The following SPOP variants were observed in gnomAD, a reference collection of about 807,000 sequenced individuals.
SPOP encodes the protein speckle-type POZ protein.
In SPOP, 11 loss-of-function variants were observed where a neutral mutation model predicts 45.6. The ratio of observed to expected loss-of-function variants is 0.24; its 90% CI spans 0.15 to 0.40. SPOP has a LOEUF of 0.40. Among genes scored for constraint, SPOP ranks in the 10% least tolerant of loss-of-function variants. SPOP has a pLI of 1.00. For missense variants in SPOP, 152 were observed against 465.6 expected (o/e 0.33, Z 6.20); for synonymous variants, 166 against 166.3 (o/e 1.00, Z 0.01).
intron 1 of SPOP, among the ~76,000 whole-genome samples, chr17:49,677,651 T>C (rs2073219434): frequency 6.7e-6 from 1 of 148,570 alleles, no homozygotes; most frequent in Non-Finnish European, 1.5e-5. Context: ...AGGCGACAGC[T>C]CAGTATTTGG....
chr17:49,623,770 GCT>G (rs1191302523), intron 1 of SPOP, among the ~76,000 whole-genome samples: 4 of 151,666 alleles, frequency 2.6e-5, no homozygotes, highest in African/African-American at 4.8e-5. Flanking sequence ...TCTTCTCCTT[GCT>G]CTGTTTTGTG....
chr17:49,677,875 G>GCCCCCCC (rs753109561), intron 1 of SPOP, 58 bp downstream of exon 1: 1 of 337,858 alleles, frequency 3.0e-6, no homozygotes. Flanking sequence ...TCAGGGAGGT[G>GCCCCCCC]CCCCCCCCCC....
rs1427481182 is a variant in SPOP at position 49,607,049 on chromosome 17, AC to A, written c.837+200del. 5.7e-6 allele frequency: 3 copies of A among 526,548 alleles called. No individual in the cohort carries two copies. In the Admixed American group the frequency reaches 1.1e-4, roughly 19 times the overall value. 32.6% of individuals were successfully genotyped at this position (526,548 alleles called of 1,614,324 possible). On this transcript the variant is annotated intron_variant, in intron 8 of 9. Coordinates refer to ENST00000504102, the MANE Select transcript of SPOP (RefSeq NM_001007228.2). Reference sequence around the variant, plus strand: ...CCATAGTTAGGTGATCATATAGTTTACTATTCAAAACAGGACACTTTTGAGA... The same window carrying A: ...CCATAGTTAGGTGATCATATAGTTTATATTCAAAACAGGACACTTTTGAGA...
chr17:49,669,521 C>T (rs1309112500), intron 1 of SPOP, among the ~76,000 whole-genome samples: 1 of 142,316 alleles, frequency 7.0e-6, no homozygotes, highest in African/African-American at 2.6e-5. Context: ...AATCCCAGGA[C>T]TTTGGGAGGC....
At position 49,611,299 on chromosome 17, in the gene SPOP, A is replaced by G. The variant is rs1438582241; in HGVS notation, c.639T>C (p.Ala213=). The change falls in exon 6 of 10, where the codon GCT becomes GCC. Residue 213 remains alanine (A), a synonymous_variant. Coordinates refer to ENST00000504102, the MANE Select transcript of SPOP (RefSeq NM_001007228.2). ...CLCVAGQEFQ[A]HKAILAARSP... ...ACCAACCTGCTAAGATAGCCTTGTG[A>G]GCCTGGAATTCCTGGCCGGCAACAC... 2 of 1,614,118 alleles carry G rather than the reference A, an allele frequency of 1.2e-6. No individual in the cohort carries two copies. Among genetic ancestry groups the G allele is most frequent in the Admixed American group, 3.3e-5 (2 of 60,012 alleles).
At chr17:49,624,331 G>GCGCGCACACACACACA (rs71352523) in intron 1 of SPOP, among the ~76,000 whole-genome samples, 1 of 149,224 alleles carries the variant, frequency 6.7e-6, no homozygotes, top group African/African-American at 2.5e-5. Flanking sequence ...GCGCGCGCGC[G>GCGCGCACACACACACA]CACACACACA....
chr17:49,618,370 T>C (rs1448751550), intron 5 of SPOP: 1 of 342,490 alleles, frequency 2.9e-6, no homozygotes, highest in Non-Finnish European at 5.7e-6. Flanking sequence ...TCAAGGCTTC[T>C]CCTGTAAACC....
intron 1 of SPOP, among the ~76,000 whole-genome samples, chr17:49,674,576 TAAAA>T (rs894082769): frequency 8.5e-5 from 13 of 152,178 alleles, no homozygotes; most frequent in African/African-American, 2.9e-4. Flanking sequence ...TCAGCAGACT[TAAAA>T]AATGCTAGTA....
chr17:49,672,506 G>A (rs866206571), intron 1 of SPOP, among the ~76,000 whole-genome samples: 7 of 152,156 alleles, frequency 4.6e-5, no homozygotes, highest in African/African-American at 9.7e-5. Flanking sequence ...AAAGAAACAC[G>A]TACAAAGTAG....
chr17:49,618,493 A>G (rs914796190), intron 5 of SPOP: 1 of 453,190 alleles, frequency 2.2e-6, no homozygotes, highest in African/African-American at 2.0e-5. Context: ...TAGAAAAAAA[A>G]TGGTTCTCAC....
chr17:49,627,803 C>T (rs1349368671), intron 1 of SPOP, among the ~76,000 whole-genome samples: 1 of 152,116 alleles, frequency 6.6e-6, no homozygotes, highest in African/African-American at 2.4e-5. Context: ...TATTTTGTAG[C>T]TACATCTTTT....
intron 3 of SPOP, among the ~76,000 whole-genome samples, chr17:49,620,878 T>C (rs2072209698): frequency 6.6e-6 from 1 of 152,218 alleles, no homozygotes; most frequent in South Asian, 2.1e-4. Context: ...ATATGCTACA[T>C]ACATTACTAT....
chr17:49,673,497 C>T (rs983292389), intron 1 of SPOP, among the ~76,000 whole-genome samples: 1 of 151,874 alleles, frequency 6.6e-6, no homozygotes, highest in Non-Finnish European at 1.5e-5. Context: ...CAGAGCAAGA[C>T]TCTGTCTCAG....
At chr17:49,609,674 T>A (rs1036229052) in intron 6 of SPOP, among the ~76,000 whole-genome samples, 1 of 152,114 alleles carries the variant, frequency 6.6e-6, no homozygotes, top group Non-Finnish European at 1.5e-5. Flanking sequence ...TTTGAAAAAC[T>A]GCTTTCATAG....
intron 1 of SPOP, among the ~76,000 whole-genome samples, chr17:49,664,974 C>A (rs1021312290): frequency 6.6e-6 from 1 of 152,016 alleles, no homozygotes; most frequent in African/African-American, 2.4e-5. Context: ...TTTTTTTCAA[C>A]CCTGCATGTG....
Position 49,599,227 on chromosome 17 carries a change from C to T in SPOP, c.*1151G>A. The stretch of plus-strand genomic sequence containing the variant: ...ACTTCAAAATCCCTTAAGCAAGGGA[C>T]TCAGACCCAAGAGACAAGGCAGGTG... On this transcript the variant is annotated 3_prime_UTR_variant, in exon 10 of 10. Coordinates refer to ENST00000504102, the MANE Select transcript of SPOP (RefSeq NM_001007228.2). 1 of 221,330 alleles carries T rather than the reference C, an allele frequency of 4.5e-6. No homozygotes were observed. Among genetic ancestry groups the T allele is most frequent in the Non-Finnish European group, 9.1e-6 (1 of 110,458 alleles). 13.7% of individuals were successfully genotyped at this position (221,330 alleles called of 1,614,324 possible).
intron 1 of SPOP, among the ~76,000 whole-genome samples, chr17:49,662,341 G>A (rs1050888939): frequency 5.9e-5 from 9 of 152,034 alleles, no homozygotes; most frequent in African/African-American, 2.2e-4. Context: ...ATACTTGAAA[G>A]ACTATCTGGC....
At chr17:49,647,882 A>G (rs1325241979) in intron 1 of SPOP, among the ~76,000 whole-genome samples, 1 of 152,116 alleles carries the variant, frequency 6.6e-6, no homozygotes, top group Non-Finnish European at 1.5e-5. Context: ...TGCCAGAGTA[A>G]TTTTTCTAGT....
chr17:49,648,851 G>T (rs1037761624), intron 1 of SPOP, among the ~76,000 whole-genome samples: 2 of 152,044 alleles, frequency 1.3e-5, no homozygotes, highest in Non-Finnish European at 2.9e-5. Flanking sequence ...TCCGCCTCCC[G>T]GGTTCATGCC....
Sources: allele counts gnomAD v4.1 joint callset (sites outside exome capture counted in the v4.1 genomes callset), GRCh38; gene constraint gnomAD v4.1.1; transcripts MANE v1.5; gene names NCBI Gene and HGNC (gene_info 2026-07-23, HGNC 2026-07-21).